SYNJ1: variants seen among roughly 807,000 people sequenced by gnomAD.
SYNJ1 encodes the protein polyphosphatidylinositol phosphatase SYNJ1.
SYNJ1 carries 78 observed loss-of-function variants against 168.2 expected under a neutral mutation model. The observed-to-expected ratio is 0.46, with a 90% CI of 0.39 to 0.56. SYNJ1 has a LOEUF of 0.56. Among genes scored for constraint, SYNJ1 ranks in the 20% least tolerant of loss-of-function variants. The probability of loss-of-function intolerance (pLI) is 0.00; values close to 1 mark genes in which losing one functional copy is unlikely to be tolerated. For synonymous variants in SYNJ1, 539 were observed against 548.6 expected (o/e 0.98, Z 0.24); for missense variants, 1,303 against 1,597.6 (o/e 0.82, Z 3.14).
intron 4 of SYNJ1, among the ~76,000 whole-genome samples, chr21:32,697,872 A>C (rs182062432): frequency 2.0e-5 from 3 of 152,258 alleles, no homozygotes; most frequent in Admixed American, 1.3e-4. Context: ...ATCTGCTTGG[A>C]CTTCTAATTG....
In SYNJ1 at chr21:32,629,474, C is replaced by T. The variant is rs1019189179; in HGVS notation, c.*2331G>A. 1 of 152,526 alleles carries T rather than the reference C, an allele frequency of 6.6e-6. No homozygotes were observed. Among genetic ancestry groups the T allele is most frequent in the African/African-American group, 2.4e-5 (1 of 41,414 alleles). 9.4% of individuals were successfully genotyped at this position (152,526 alleles called of 1,614,324 possible). A position where few individuals can be genotyped will look rare whatever the true frequency, so the allele number is the denominator to read the frequency against. On this transcript the variant is annotated 3_prime_UTR_variant, in exon 33 of 33. Coordinates refer to ENST00000674351, the MANE Select transcript of SYNJ1 (RefSeq NM_203446.3). ...TAACATTTGAGCATTTAGAAAAATG[C>T]TTTTTTTCTAATAGATTTGCTTTAT...
intron 2 of SYNJ1, among the ~76,000 whole-genome samples, chr21:32,714,703 C>T (rs979801223): frequency 7.2e-5 from 11 of 152,178 alleles, no homozygotes; most frequent in Admixed American, 1.3e-4. Context: ...ACCATCAATA[C>T]GGTACCTATT....
chr21:32,653,110 T>C (rs1180470669), intron 22 of SYNJ1, among the ~76,000 whole-genome samples, 178 bp downstream of exon 22: 2 of 152,210 alleles, frequency 1.3e-5, no homozygotes, highest in African/African-American at 4.8e-5. Flanking sequence ...GGGGCCAAAA[T>C]AAGCCTAGGC....
chr21:32,679,501 TGTTA>T (rs2041542526), intron 11 of SYNJ1, among the ~76,000 whole-genome samples: 1 of 152,188 alleles, frequency 6.6e-6, no homozygotes, highest in African/African-American at 2.4e-5. Context: ...TACTTAGGCA[TGTTA>T]GTTACCATAA....
intron 18 of SYNJ1, among the ~76,000 whole-genome samples, chr21:32,663,706 G>A (rs904326726): frequency 6.6e-6 from 1 of 152,188 alleles, no homozygotes; most frequent in Non-Finnish European, 1.5e-5. Flanking sequence ...TTGGGCACAA[G>A]ATGGCTCGTG....
chr21:32,653,954 A>G (rs1432935556), intron 21 of SYNJ1: 1 of 152,164 alleles, frequency 6.6e-6, no homozygotes, highest in Admixed American at 6.5e-5. Context: ...TAGGATTCCA[A>G]GTTTTTACTT....
At chr21:32,644,825 G>A in intron 26 of SYNJ1, 143 bp downstream of exon 26, 2 of 901,136 alleles carry the variant, frequency 2.2e-6, no homozygotes, top group Non-Finnish European at 3.3e-6. Flanking sequence ...GGAAATGAAA[G>A]CCTTTATTAG....
chr21:32,713,969 A>G (rs1264258487), intron 2 of SYNJ1, among the ~76,000 whole-genome samples: 1 of 152,224 alleles, frequency 6.6e-6, no homozygotes, highest in Non-Finnish European at 1.5e-5. Flanking sequence ...TTCTCTGGAA[A>G]GCTCTCTGGT....
chr21:32,667,235 T>A (rs2145932075), intron 15 of SYNJ1, among the ~76,000 whole-genome samples: 1 of 152,296 alleles, frequency 6.6e-6, no homozygotes, highest in South Asian at 2.1e-4. Flanking sequence ...CACATATATG[T>A]GACTATATGT....
chr21:32,708,396 T>C (rs1004737387), intron 2 of SYNJ1, among the ~76,000 whole-genome samples: 1 of 152,224 alleles, frequency 6.6e-6, no homozygotes, highest in Non-Finnish European at 1.5e-5. Context: ...AAGAGGTATT[T>C]TTTTTCCCCT....
intron 21 of SYNJ1, among the ~76,000 whole-genome samples, chr21:32,654,886 T>G (rs971990733): frequency 2.6e-5 from 4 of 152,228 alleles, no homozygotes; most frequent in African/African-American, 9.6e-5. Flanking sequence ...AATGGCTGTC[T>G]TAATCTAGAC....
At chr21:32,683,409 T>C (rs2041698862) in intron 10 of SYNJ1, among the ~76,000 whole-genome samples, 1 of 152,090 alleles carries the variant, frequency 6.6e-6, no homozygotes, top group Admixed American at 6.5e-5. Flanking sequence ...TTCATTTTCA[T>C]TCTCACTAAC....
At position 32,665,004 on chromosome 21, in the gene SYNJ1, G is replaced by T. The variant is rs778437774; in HGVS notation, c.2213C>A (p.Pro738His). 3 of 1,613,586 alleles carry T rather than the reference G, an allele frequency of 1.9e-6. No individual in the cohort carries two copies. The East Asian group carries it at 6.7e-5, about 36-fold the overall frequency. ...CGDFNYRIDL[P>H]NEEVKELIRQ... ...TATGAGCTCTTTAACTTCTTCGTTAGGGAGATCGATTCGATAGTTGAAATC... is the reference window on the plus strand; with the variant it reads ...TATGAGCTCTTTAACTTCTTCGTTATGGAGATCGATTCGATAGTTGAAATC... The change falls in exon 18 of 33, where the codon CCT (proline) becomes CAT (histidine). Residue 738 changes from proline to histidine, a missense_variant. By Grantham distance (77) the Pro-to-His change is moderately conservative. Transcript: ENST00000674351.
At chr21:32,713,331 T>C (rs2042900006) in intron 2 of SYNJ1, among the ~76,000 whole-genome samples, 1 of 143,964 alleles carries the variant, frequency 6.9e-6, no homozygotes, top group Non-Finnish European at 1.5e-5. Flanking sequence ...CATGTCAACA[T>C]GGATGATTTC....
At chr21:32,707,279 T>C (rs2042643640) in intron 2 of SYNJ1, among the ~76,000 whole-genome samples, 1 of 151,074 alleles carries the variant, frequency 6.6e-6, no homozygotes, top group African/African-American at 2.4e-5. Flanking sequence ...CTTATTTCTT[T>C]TTCCTTTTTT....
intron 18 of SYNJ1, among the ~76,000 whole-genome samples, chr21:32,658,258 C>G (rs1283715359): frequency 6.6e-6 from 1 of 152,162 alleles, no homozygotes; most frequent in African/African-American, 2.4e-5. Context: ...ATAAAAACCC[C>G]AGGCTCAGCT....
rs942527517 is a variant in SYNJ1 at position 32,630,397 on chromosome 21, T to A, written c.*1408A>T. The A allele has an allele frequency of 6.6e-6, 1 of 152,422 alleles. No individual in the cohort carries two copies. Among genetic ancestry groups the A allele is most frequent in the East Asian group, 1.9e-4 (1 of 5,184 alleles). 9.4% of individuals were successfully genotyped at this position (152,422 alleles called of 1,614,324 possible). A position where few individuals can be genotyped will look rare whatever the true frequency, so the allele number is the denominator to read the frequency against. On this transcript the variant is annotated 3_prime_UTR_variant, in exon 33 of 33. Coordinates refer to ENST00000674351, the MANE Select transcript of SYNJ1 (RefSeq NM_203446.3). ...CAGCCATCTTTTTGGTAATGTGATATTGAAAAAGGGACTTTGTTGGAACTT... is the reference window on the plus strand; with the variant it reads ...CAGCCATCTTTTTGGTAATGTGATAATGAAAAAGGGACTTTGTTGGAACTT...
intron 6 of SYNJ1, among the ~76,000 whole-genome samples, chr21:32,693,848 A>G (rs1569102972): frequency 6.6e-6 from 1 of 152,182 alleles, no homozygotes; most frequent in African/African-American, 2.4e-5. Context: ...AAAGATCCCA[A>G]TTAAGAAGTC....
At chr21:32,632,893 G>A (rs181703437) in intron 32 of SYNJ1, among the ~76,000 whole-genome samples, 38 of 152,142 alleles carry the variant, frequency 2.5e-4, no homozygotes, top group African/African-American at 7.5e-4. Context: ...GGTGGTGCGC[G>A]CCTATAATCC....
Sources: gnomAD v4.1 joint callset for allele counts (sites outside exome capture counted in the v4.1 genomes callset) on GRCh38, gnomAD v4.1.1 for gene constraint, MANE v1.5 for transcripts, NCBI Gene and HGNC (gene_info 2026-07-23, HGNC 2026-07-21) for gene names.